SUGCT: variants seen among roughly 807,000 people sequenced by gnomAD.
The protein encoded by SUGCT is succinyl-CoA:glutarate-CoA transferase, also known as succinyl-CoA:glutarate CoA-transferase.
A neutral mutation model predicts 55.0 loss-of-function variants in SUGCT; 41 were observed. The ratio of observed to expected loss-of-function variants is 0.74; its 90% CI spans 0.58 to 0.97. The LOEUF (loss-of-function observed/expected upper bound fraction) is 0.97, where lower values mean the gene tolerates loss of function less well. SUGCT is among the 50% of genes least tolerant of loss of function. The pLI is 0.00. For synonymous variants in SUGCT, 187 were observed against 200.4 expected (o/e 0.93, Z 0.56); for missense variants, 568 against 547.8 (o/e 1.04, Z -0.37).
chr7:40,888,953 T>C, the SUGCT span, among the ~76,000 whole-genome samples: 1 of 152,240 alleles, frequency 6.6e-6, no homozygotes, highest in Non-Finnish European at 1.5e-5. Context: ...CCCTTAGCTG[T>C]CAGTTAGGCT....
At chr7:40,888,046 A>G in the SUGCT span, among the ~76,000 whole-genome samples, 7 of 152,114 alleles carry the variant, frequency 4.6e-5, no homozygotes, top group Admixed American at 3.3e-4. Context: ...AACAAGGTAC[A>G]TCTGACTCCA....
chr7:40,724,851 TTAAC>T (rs1279594138), intron 12 of SUGCT, among the ~76,000 whole-genome samples: 1 of 152,104 alleles, frequency 6.6e-6, no homozygotes, highest in African/African-American at 2.4e-5. Flanking sequence ...AGATAAAACT[TTAAC>T]AAACATTGCT....
At chr7:40,595,406 T>A (rs1041580156) in intron 12 of SUGCT, among the ~76,000 whole-genome samples, 8 of 152,006 alleles carry the variant, frequency 5.3e-5, no homozygotes, top group African/African-American at 1.9e-4. Flanking sequence ...GAGAAGAGAG[T>A]CGAATAGAGT....
At chr7:40,299,364 A>G (rs941377239) in intron 8 of SUGCT, among the ~76,000 whole-genome samples, 1 of 152,196 alleles carries the variant, frequency 6.6e-6, no homozygotes, top group Non-Finnish European at 1.5e-5. Context: ...GTGCTGGTAA[A>G]TGTTTAACAA....
intron 6 of SUGCT, among the ~76,000 whole-genome samples, chr7:40,222,548 C>T (rs1296305752): frequency 1.3e-5 from 2 of 152,218 alleles, no homozygotes; most frequent in Admixed American, 1.3e-4. Flanking sequence ...TCAGATATTT[C>T]TCAAATCAAA....
At chr7:40,870,137 A>G in the SUGCT span, among the ~76,000 whole-genome samples, 1 of 152,216 alleles carries the variant, frequency 6.6e-6, no homozygotes. Flanking sequence ...GTAAAACAAT[A>G]GAACTTAATT....
At chr7:40,434,912 C>T (rs1788091511) in intron 9 of SUGCT, among the ~76,000 whole-genome samples, 1 of 152,110 alleles carries the variant, frequency 6.6e-6, no homozygotes. Flanking sequence ...TTGGTTACTC[C>T]ATGAGAATTT....
At chr7:40,577,401 C>G (rs111444491) in intron 12 of SUGCT, among the ~76,000 whole-genome samples, 33 of 151,186 alleles carry the variant, frequency 2.2e-4, no homozygotes, top group Admixed American at 1.8e-3. Context: ...TTGCAAATCT[C>G]GTATTTTCCT....
intron 12 of SUGCT, among the ~76,000 whole-genome samples, chr7:40,640,400 T>G (rs2151823546): frequency 6.6e-6 from 1 of 152,352 alleles, no homozygotes; most frequent in East Asian, 1.9e-4. Flanking sequence ...TATACTACAC[T>G]TAGTGTAGAT....
At chr7:40,599,606 C>T (rs1798191342) in intron 12 of SUGCT, among the ~76,000 whole-genome samples, 1 of 152,150 alleles carries the variant, frequency 6.6e-6, no homozygotes, top group Non-Finnish European at 1.5e-5. Flanking sequence ...TTAATATTCT[C>T]TCTTACTCCT....
chr7:40,832,680 T>C (rs76388533), intron 13 of SUGCT, among the ~76,000 whole-genome samples: 14,108 of 99,630 alleles, frequency 0.14, 726 homozygotes, highest in Middle Eastern at 0.24. Context: ...ACTCCTACTT[T>C]TTTTTTTTTT....
At chr7:40,620,102 A>G (rs766311017) in intron 12 of SUGCT, among the ~76,000 whole-genome samples, 4 of 152,348 alleles carry the variant, frequency 2.6e-5, no homozygotes, top group Non-Finnish European at 5.9e-5. Context: ...TCCTTTTAGA[A>G]TTAAGCTGGT....
At chr7:40,533,753 T>C (rs1210865075) in intron 12 of SUGCT, among the ~76,000 whole-genome samples, 2 of 152,166 alleles carry the variant, frequency 1.3e-5, no homozygotes, top group African/African-American at 4.8e-5. Context: ...ACATCTAGTG[T>C]TTTAATAACT....
At chr7:40,165,008 G>A (rs1404303006) in intron 1 of SUGCT, among the ~76,000 whole-genome samples, 5 of 152,082 alleles carry the variant, frequency 3.3e-5, no homozygotes, top group African/African-American at 1.2e-4. Context: ...AGCTTCTTCT[G>A]TGACTTCAGA....
chr7:40,832,479 T>G (rs774583053), intron 13 of SUGCT, among the ~76,000 whole-genome samples: 3 of 152,034 alleles, frequency 2.0e-5, no homozygotes, highest in Non-Finnish European at 4.4e-5. Context: ...ACCAAACAGT[T>G]AAGAGAAGGA....
intron 12 of SUGCT, among the ~76,000 whole-genome samples, chr7:40,735,551 A>G (rs562837666): frequency 4.5e-4 from 69 of 152,260 alleles, no homozygotes; most frequent in Middle Eastern, 3.4e-3. Context: ...AATACTCTTT[A>G]GCTTAGAACC....
intron 12 of SUGCT, among the ~76,000 whole-genome samples, chr7:40,687,301 G>T (rs1474326493): frequency 6.6e-6 from 1 of 152,202 alleles, no homozygotes; most frequent in Non-Finnish European, 1.5e-5. Context: ...GAAGGGGACA[G>T]GGAGGAAGCA....
intron 12 of SUGCT, among the ~76,000 whole-genome samples, chr7:40,512,503 G>C (rs1303776436): frequency 6.6e-6 from 1 of 152,180 alleles, no homozygotes; most frequent in Non-Finnish European, 1.5e-5. Context: ...TTTGGGCTCT[G>C]TCGTTTACTC....
At chr7:40,333,076 G>T (rs953607101) in intron 9 of SUGCT, among the ~76,000 whole-genome samples, 5 of 152,136 alleles carry the variant, frequency 3.3e-5, no homozygotes, top group African/African-American at 1.2e-4. Flanking sequence ...ATGATTGGTG[G>T]CAAGTAAGTA....
Sources: gnomAD v4.1 joint callset for allele counts (sites outside exome capture counted in the v4.1 genomes callset) on GRCh38, gnomAD v4.1.1 for gene constraint, MANE v1.5 for transcripts, NCBI Gene and HGNC (gene_info 2026-07-23, HGNC 2026-07-21) for gene names.